RUNX1: variants seen among roughly 807,000 people sequenced by gnomAD.
RUNX1 encodes RUNX family transcription factor 1, also known as runt-related transcription factor 1.
Under a neutral mutation model 42.8 loss-of-function variants are expected in RUNX1, and 19 were observed. The ratio of observed to expected loss-of-function variants is 0.44; its 90% CI spans 0.31 to 0.65. The LOEUF is 0.65. Ranked by LOEUF, RUNX1 falls within the 30% of genes least tolerant of loss-of-function variation. RUNX1 has a pLI of 0.07. For synonymous variants in RUNX1, 271 were observed against 289.4 expected (o/e 0.94, Z 0.64); for missense variants, 528 against 672.0 (o/e 0.79, Z 2.37).
At chr21:34,904,741 C>A (rs1332852796) in intron 2 of RUNX1, among the ~76,000 whole-genome samples, 1 of 152,078 alleles carries the variant, frequency 6.6e-6, no homozygotes, top group Non-Finnish European at 1.5e-5. Flanking sequence ...GGGGGGCCTG[C>A]AGCAAATATT....
At chr21:34,917,707 T>C (rs1237095109) in intron 2 of RUNX1, among the ~76,000 whole-genome samples, 7 of 152,132 alleles carry the variant, frequency 4.6e-5, no homozygotes, top group Non-Finnish European at 8.8e-5. Flanking sequence ...CATACAAGCA[T>C]TGAAATGAAT....
chr21:34,973,342 A>C (rs1246375702), intron 2 of RUNX1, among the ~76,000 whole-genome samples: 1 of 152,220 alleles, frequency 6.6e-6, no homozygotes, highest in Non-Finnish European at 1.5e-5. Flanking sequence ...AATGGAGAAG[A>C]ACGAGGGAAG....
chr21:34,889,863 C>T (rs2058058367), intron 3 of RUNX1: 1 of 1,086,286 alleles, frequency 9.2e-7, no homozygotes. Context: ...GCCCTCCCTG[C>T]CGGGCCCTGC....
intron 7 of RUNX1, chr21:34,821,665 G>T: frequency 6.4e-7 from 1 of 1,572,786 alleles, no homozygotes; most frequent in Non-Finnish European, 8.6e-7. Context: ...ACTGACTTCT[G>T]CCTTAACATC....
At chr21:34,938,038 G>A (rs1399183872) in intron 2 of RUNX1, among the ~76,000 whole-genome samples, 4 of 152,124 alleles carry the variant, frequency 2.6e-5, no homozygotes, top group Non-Finnish European at 5.9e-5. Flanking sequence ...GCATAGTGCC[G>A]TGCCATTTAG....
intron 5 of RUNX1, among the ~76,000 whole-genome samples, chr21:34,878,372 T>C (rs1411597210): frequency 1.3e-5 from 2 of 149,772 alleles, no homozygotes; most frequent in Non-Finnish European, 3.0e-5. Context: ...TATATATATA[T>C]ATATACACAC....
intron 2 of RUNX1, among the ~76,000 whole-genome samples, chr21:35,047,648 C>T (rs2059410320): frequency 6.6e-6 from 1 of 151,418 alleles, no homozygotes; most frequent in Non-Finnish European, 1.5e-5. Flanking sequence ...CCCGTGCATT[C>T]ACAATAGCAT....
intron 7 of RUNX1, among the ~76,000 whole-genome samples, chr21:34,810,541 T>C (rs974127988): frequency 2.0e-5 from 3 of 152,186 alleles, no homozygotes; most frequent in African/African-American, 7.2e-5. Flanking sequence ...AGGGCTTCAG[T>C]AAGGATACAA....
chr21:34,916,902 T>TTTTG (rs2058315968), intron 2 of RUNX1, among the ~76,000 whole-genome samples: 1 of 152,156 alleles, frequency 6.6e-6, no homozygotes, highest in South Asian at 2.1e-4. Flanking sequence ...GGGAAAGGCA[T>TTTTG]CATGATTGCT....
chr21:35,044,193 T>C (rs1289767357), intron 2 of RUNX1, among the ~76,000 whole-genome samples: 1 of 152,182 alleles, frequency 6.6e-6, no homozygotes, highest in Non-Finnish European at 1.5e-5. Context: ...CCATGTGGGA[T>C]CCTGCAGCTC....
At chr21:34,949,848 C>T (rs1404995402) in intron 2 of RUNX1, among the ~76,000 whole-genome samples, 1 of 152,224 alleles carries the variant, frequency 6.6e-6, no homozygotes, top group Non-Finnish European at 1.5e-5. Flanking sequence ...ATGAATAATA[C>T]ACGAGGCCCT....
chr21:34,856,174 G>A, intron 6 of RUNX1: 1 of 362,194 alleles, frequency 2.8e-6, no homozygotes. Context: ...ATGAAAAACA[G>A]ACGAGCTGTG....
At chr21:35,034,585 G>A (rs1377480295) in intron 2 of RUNX1, among the ~76,000 whole-genome samples, 1 of 152,214 alleles carries the variant, frequency 6.6e-6, no homozygotes, top group Non-Finnish European at 1.5e-5. Flanking sequence ...AATGTCTGGA[G>A]ATACATTTGG....
chr21:35,045,387 C>T (rs2147027128), intron 2 of RUNX1, among the ~76,000 whole-genome samples: 1 of 152,180 alleles, frequency 6.6e-6, no homozygotes, highest in Admixed American at 6.5e-5. Flanking sequence ...AGTATGTCTC[C>T]CTAGAATTAA....
At chr21:34,995,898 G>C (rs1330999992) in intron 2 of RUNX1, among the ~76,000 whole-genome samples, 1 of 152,176 alleles carries the variant, frequency 6.6e-6, no homozygotes, top group Admixed American at 6.5e-5. Context: ...ATGTGTAGGT[G>C]TATGTGTGTG....
chr21:34,853,353 T>C (rs2057451668), intron 6 of RUNX1, among the ~76,000 whole-genome samples: 1 of 152,186 alleles, frequency 6.6e-6, no homozygotes, highest in South Asian at 2.1e-4. Flanking sequence ...GCAACAGGGC[T>C]CTGCTTTCTT....
intron 2 of RUNX1, among the ~76,000 whole-genome samples, chr21:34,916,459 TG>T (rs1317937216): frequency 6.6e-6 from 1 of 152,122 alleles, no homozygotes; most frequent in Non-Finnish European, 1.5e-5. Flanking sequence ...GAAGTGGCAG[TG>T]TGATTACCAA....
chr21:34,959,541 CAG>C (rs1419487217), intron 2 of RUNX1, among the ~76,000 whole-genome samples: 1 of 152,124 alleles, frequency 6.6e-6, no homozygotes, highest in Non-Finnish European at 1.5e-5. Flanking sequence ...GAGAGAGACA[CAG>C]AGTTAAGGCC....
intron 2 of RUNX1, among the ~76,000 whole-genome samples, chr21:34,949,274 T>C (rs1287011553): frequency 6.6e-6 from 1 of 152,220 alleles, no homozygotes; most frequent in African/African-American, 2.4e-5. Flanking sequence ...TGTTTAAATA[T>C]TGCCATTAGC....
Sources: allele counts gnomAD v4.1 joint callset (sites outside exome capture counted in the v4.1 genomes callset), GRCh38; gene constraint gnomAD v4.1.1; transcripts MANE v1.5; gene names NCBI Gene and HGNC (gene_info 2026-07-23, HGNC 2026-07-21).